The following OR52I2 variants were observed in gnomAD, a reference collection of about 807,000 sequenced individuals.
The protein encoded by OR52I2 is olfactory receptor family 52 subfamily I member 2.
For synonymous variants in OR52I2, 147 were observed against 151.9 expected (o/e 0.97, Z 0.24); for missense variants, 350 against 402.4 (o/e 0.87, Z 1.11).
chr11:4,586,817 G>C lies in OR52I2; in HGVS notation c.-19-55G>C, dbSNP rs748142759. 5 of 1,612,280 alleles carry C rather than the reference G, an allele frequency of 3.1e-6. No individual in the cohort carries two copies. The African/African-American group carries it at 6.7e-5, about 22-fold the overall frequency. ...CTTAGGTTTTCCCAGCACCACATGT[G>C]TCAACAAATCTTACGGGATTGCATT... On this transcript the variant is annotated intron_variant, in intron 1 of 1. Coordinates refer to ENST00000641896, the Ensembl canonical transcript of OR52I2.
Position 4,588,141 on chromosome 11 carries a change from G to C in OR52I2, c.*276G>C, listed in dbSNP as rs976464757. The C allele has an allele frequency of 3.2e-5, 13 of 407,580 alleles. No homozygotes were observed. The Admixed American group carries it at 3.2e-4, about 10-fold the overall frequency. 25.2% of individuals were successfully genotyped at this position (407,580 alleles called of 1,614,324 possible). On this transcript the variant is annotated 3_prime_UTR_variant, in exon 2 of 2. Coordinates refer to ENST00000641896, the Ensembl canonical transcript of OR52I2. ...TTCCCTGCTCTTTAGGAATGTGCTA[G>C]GTTAGGCTGAGGAAGGCACAAAGCC...
chr11:4,581,843 G>C (rs1327942812), exon 1 of OR52I2: 1 of 152,242 alleles, frequency 6.6e-6, no homozygotes, highest in Non-Finnish European at 1.5e-5. Context: ...AGGGAAAGTT[G>C]AATAGAGAAG....
At chr11:4,586,948 G>A in exon 2 of OR52I2, 1 of 1,614,070 alleles carries the variant, frequency 6.2e-7, no homozygotes, top group Non-Finnish European at 8.5e-7. Context: ...CCTCCTTGTG[G>A]GTATCCCAGG....
chr11:4,590,694 T>G (rs1846344248), exon 2 of OR52I2: 1 of 152,196 alleles, frequency 6.6e-6, no homozygotes, highest in Non-Finnish European at 1.5e-5. Context: ...CAGCCCTTTA[T>G]GCAATAATGC....
At position 4,587,350 on chromosome 11, in the gene OR52I2, A is replaced by G. The variant is rs149112487; in HGVS notation, c.460A>G (p.Ile154Val). ...GCTGGGAATGAGTATGGCCATCACC[A>G]TCAGAGCTATCATAGCCATAACTCC... Residue 154 changes from isoleucine to valine, a missense_variant, in exon 2 of 2, where the codon ATC becomes GTC. Transcript: ENST00000641896. 1.5e-5 allele frequency: 25 copies of G among 1,613,000 alleles called. 2 individuals are homozygous for G. In the African/African-American group the frequency reaches 2.7e-4, roughly 17 times the overall value.
chr11:4,587,822 A>G (rs1482713475), exon 2 of OR52I2: 2 of 1,614,102 alleles, frequency 1.2e-6, no homozygotes, highest in Non-Finnish European at 1.7e-6. Context: ...ATATGGAGTT[A>G]TCTGATGCAT....
exon 2 of OR52I2, chr11:4,587,808 G>A (rs759809134): frequency 6.2e-7 from 1 of 1,614,110 alleles, no homozygotes; most frequent in Admixed American, 1.7e-5. Flanking sequence ...AACTGCGGGA[G>A]AGAATATGGA....
chr11:4,587,727 C>G lies in OR52I2; in HGVS notation c.837C>G (p.Val279=), dbSNP rs373042200. 139 of 1,614,174 alleles carry G rather than the reference C, an allele frequency of 8.6e-5. 2 individuals are homozygous for G. The highest frequency in any genetic ancestry group is 8.1e-4 in the South Asian group (74 of 91,086). Residue 279 remains valine, a synonymous_variant, in exon 2 of 2, where the codon GTC becomes GTG. Coordinates refer to ENST00000641896, the Ensembl canonical transcript of OR52I2. ...ATGTAGTGCCCTTGCACACCCAAGT[C>G]CTGCTAGCTGACCTGTACGTGATCA...
chr11:4,587,992 T>A, exon 2 of OR52I2: 2 of 753,796 alleles, frequency 2.7e-6, no homozygotes, highest in Non-Finnish European at 4.4e-6. Flanking sequence ...ACTTTTCAAT[T>A]ACTAGCAGGA....
chr11:4,587,028 C>T (rs1174253213), exon 2 of OR52I2: 1 of 1,614,144 alleles, frequency 6.2e-7, no homozygotes, highest in Admixed American at 1.7e-5. Flanking sequence ...TGTTAGGAAA[C>T]ACCATCATCG....
At position 4,587,675 on chromosome 11, in the gene OR52I2, C is replaced by A. The variant is rs1846317931; in HGVS notation, c.785C>A (p.Ser262Tyr). ...TTGTACTATCTACCTGGGATGGCAT[C>A]CATCTATGCGGCCTGGTTGGGGCAG... is the stretch of plus-strand genomic sequence containing the variant. Residue 262 changes from serine (S) to tyrosine (Y), a missense_variant, in exon 2 of 2, where the codon TCC becomes TAC. Transcript: ENST00000641896. The A allele has an allele frequency of 8.1e-6, 13 of 1,614,070 alleles. No individual in the cohort carries two copies. The highest frequency in any genetic ancestry group is 1.3e-5 in the African/African-American group (1 of 74,932).
chr11:4,587,450 C>T, exon 2 of OR52I2: 1 of 1,614,206 alleles, frequency 6.2e-7, no homozygotes, highest in African/African-American at 1.3e-5. Flanking sequence ...GAGCACATAG[C>T]TTTGGCCAGG....
rs1229803605 is a variant in OR52I2 at position 4,587,464 on chromosome 11, G to C, written c.574G>C (p.Ala192Pro). The C allele has an allele frequency of 3.1e-6, 5 of 1,614,088 alleles. No homozygotes were observed. In the Admixed American group the frequency reaches 8.3e-5, roughly 27 times the overall value. Residue 192 changes from alanine (A) to proline (P), a missense_variant, in exon 2 of 2, where the codon GCA becomes CCA. Coordinates refer to ENST00000641896, the Ensembl canonical transcript of OR52I2. Reference sequence around the variant, plus strand: ...TGAGCACATAGCTTTGGCCAGGTTAGCATGTGCTGACCCCGTGCCCAGCAG... The same window carrying C: ...TGAGCACATAGCTTTGGCCAGGTTACCATGTGCTGACCCCGTGCCCAGCAG...
chr11:4,583,348 G>C (rs571752558), intron 1 of OR52I2, among the ~76,000 whole-genome samples: 21 of 152,270 alleles, frequency 1.4e-4, no homozygotes, highest in African/African-American at 4.8e-4. Flanking sequence ...GGAGGGATGA[G>C]GCAAGCATCA....
chr11:4,593,153 A>C (rs944353045), exon 2 of OR52I2: 1 of 152,438 alleles, frequency 6.6e-6, no homozygotes, highest in African/African-American at 2.4e-5. Flanking sequence ...TAACTTTCTA[A>C]AGGATAAAGC....
exon 2 of OR52I2, chr11:4,587,804 G>T: frequency 6.2e-7 from 1 of 1,614,048 alleles, no homozygotes; most frequent in Non-Finnish European, 8.5e-7. Context: ...AAACAACTGC[G>T]GGAGAGAATA....
exon 2 of OR52I2, chr11:4,587,952 A>C: frequency 2.8e-6 from 3 of 1,063,702 alleles, no homozygotes; most frequent in Non-Finnish European, 4.2e-6. Flanking sequence ...AGGAATTCTA[A>C]GATGAAGGTG....
chr11:4,586,682 T>C (rs1460298249), intron 1 of OR52I2, 190 bp from the exon 2 acceptor site: 1 of 759,262 alleles, frequency 1.3e-6, no homozygotes, highest in Non-Finnish European at 2.1e-6. Context: ...CCATGAACAA[T>C]GAATACAAAT....
exon 2 of OR52I2, chr11:4,591,542 T>C (rs545479320): frequency 6.6e-6 from 1 of 152,314 alleles, no homozygotes; most frequent in Admixed American, 6.5e-5. Flanking sequence ...ATGAGGGTTT[T>C]AGGAAGGAGA....
Sources: gnomAD v4.1 joint callset for allele counts (sites outside exome capture counted in the v4.1 genomes callset) on GRCh38, gnomAD v4.1.1 for gene constraint, MANE v1.5 for transcripts, NCBI Gene and HGNC (gene_info 2026-07-23, HGNC 2026-07-21) for gene names.